UBXN2B: variants seen among roughly 807,000 people sequenced by gnomAD.
The protein encoded by UBXN2B is UBX domain protein 2B, also known as UBX domain-containing protein 2B.
A neutral mutation model predicts 37.5 loss-of-function variants in UBXN2B; 19 were observed. The ratio of observed to expected loss-of-function variants is 0.51; its 90% CI spans 0.35 to 0.74. The LOEUF is 0.74. Ranked by LOEUF, UBXN2B falls within the 30% of genes least tolerant of loss-of-function variation. The pLI is 0.01. For synonymous variants in UBXN2B, 145 were observed against 143.8 expected, an observed-to-expected ratio of 1.01 and a Z score of -0.06; for missense variants, 370 against 393.2, an observed-to-expected ratio of 0.94 and a Z score of 0.50.
At chr8:58,426,533 G>T in intron 2 of UBXN2B, 3 of 739,988 alleles carry the variant, frequency 4.1e-6, no homozygotes, top group South Asian at 2.7e-5. Context: ...TGATGTGGGT[G>T]ACAGCTCCAT....
chr8:58,444,506 G>A (rs1019719813), intron 6 of UBXN2B, among the ~76,000 whole-genome samples: 6 of 152,182 alleles, frequency 3.9e-5, no homozygotes, highest in Admixed American at 2.0e-4. Flanking sequence ...ATGAAATAAT[G>A]CATGTGGCAG....
Position 58,411,417 on chromosome 8 carries a change from A to G in UBXN2B, c.32A>G (p.Glu11Gly), listed in dbSNP as rs1465072941. The change falls in exon 1 of 8, where the codon GAG (glutamate) becomes GGG (glycine). Residue 11 changes from glutamate (E) to glycine (G), a missense_variant. Physicochemically the swap from Glu to Gly is moderately conservative, Grantham distance 98. This residue lies in a region of UBXN2B where 197 missense variants were observed against 170.2 expected (regional missense o/e 1.16). Transcript: ENST00000399598. MAEGGGPEPG[E>G]QERRSSGPRP... ...GAGGGCGGAGGCCCTGAGCCCGGCG[A>G]GCAGGAGAGGAGGTCTTCCGGGCCG... 1 of 1,270,708 alleles carries G rather than the reference A, an allele frequency of 7.9e-7. No individual in the cohort carries two copies. The highest frequency in any genetic ancestry group is 3.1e-4 in the Middle Eastern group (1 of 3,270). 78.7% of individuals were successfully genotyped at this position (1,270,708 alleles called of 1,614,324 possible). A position where few individuals can be genotyped will look rare whatever the true frequency, so the allele number is the denominator to read the frequency against.
chr8:58,427,324 G>A (rs996124029), intron 2 of UBXN2B, among the ~76,000 whole-genome samples: 7 of 152,122 alleles, frequency 4.6e-5, no homozygotes, highest in South Asian at 2.1e-4. Context: ...ATAGCCAAGC[G>A]TGGTGGTGCA....
chr8:58,435,034 T>G, intron 5 of UBXN2B: 1 of 1,474,530 alleles, frequency 6.8e-7, no homozygotes, highest in Non-Finnish European at 9.0e-7. Flanking sequence ...TTACCAGCTC[T>G]TCTTGCTAAA....
intron 2 of UBXN2B, among the ~76,000 whole-genome samples, chr8:58,419,847 A>AG (rs1173518898): frequency 1.3e-5 from 2 of 152,250 alleles, no homozygotes; most frequent in Admixed American, 1.3e-4. Flanking sequence ...AGGCTTTCAT[A>AG]GGCATGTGAC....
At chr8:58,435,073 A>C in intron 5 of UBXN2B, 1 of 1,438,822 alleles carries the variant, frequency 7.0e-7, no homozygotes. Flanking sequence ...TTTTGCTATG[A>C]TAATAAAAGC....
chr8:58,426,010 C>A, intron 2 of UBXN2B: 1 of 1,440,092 alleles, frequency 6.9e-7, no homozygotes. Flanking sequence ...CTGCTTCTTT[C>A]CCAGAGAGGT....
chr8:58,420,639 T>C (rs185805694), intron 2 of UBXN2B, among the ~76,000 whole-genome samples: 5 of 152,310 alleles, frequency 3.3e-5, no homozygotes, highest in Admixed American at 3.3e-4. Context: ...ATAAAAGAAT[T>C]ACAATTAGGT....
intron 2 of UBXN2B, among the ~76,000 whole-genome samples, chr8:58,418,376 T>A (rs1807840412): frequency 6.6e-6 from 1 of 152,212 alleles, no homozygotes. Context: ...TGCATTTAAT[T>A]ATTCCTGTTT....
At chr8:58,424,951 A>AT in intron 2 of UBXN2B, 1 of 809,054 alleles carries the variant, frequency 1.2e-6, no homozygotes, top group Non-Finnish European at 2.2e-6. Context: ...GTCAGTCAGA[A>AT]TATCAATCAC....
chr8:58,433,141 C>T lies in UBXN2B; in HGVS notation c.340-19C>T, dbSNP rs768164541. ...GAATAATCCTTTGTGAATTTTAACT[C>T]ACTTGCTATGTATTTTAGTCATTTA... On this transcript the variant is annotated intron_variant, in intron 3 of 7. Coordinates refer to ENST00000399598, the MANE Select transcript of UBXN2B (RefSeq NM_001077619.2). 1 of 1,566,454 alleles carries T rather than the reference C, an allele frequency of 6.4e-7. No homozygotes were observed. The highest frequency in any genetic ancestry group is 8.8e-7 in the Non-Finnish European group (1 of 1,142,240).
chr8:58,435,585 C>G (rs1051818281), intron 5 of UBXN2B, among the ~76,000 whole-genome samples: 1 of 151,790 alleles, frequency 6.6e-6, no homozygotes, highest in Non-Finnish European at 1.5e-5. Context: ...ATTGGCTAAG[C>G]GAAAACCAAC....
chr8:58,423,338 T>C (rs1373688945), intron 2 of UBXN2B, among the ~76,000 whole-genome samples: 1 of 151,932 alleles, frequency 6.6e-6, no homozygotes, highest in African/African-American at 2.4e-5. Flanking sequence ...TCCGCCAACC[T>C]GCTGACCATA....
chr8:58,412,166 G>C (rs1807655771), intron 1 of UBXN2B, among the ~76,000 whole-genome samples: 1 of 152,170 alleles, frequency 6.6e-6, no homozygotes, highest in Non-Finnish European at 1.5e-5. Context: ...TAAGATTATT[G>C]ATAAAAATTT....
chr8:58,450,539 C>T lies in UBXN2B; in HGVS notation c.*2988C>T, dbSNP rs1808779562. The T allele has an allele frequency of 6.6e-6, 1 of 152,194 alleles. No individual in the cohort carries two copies. Among genetic ancestry groups the T allele is most frequent in the East Asian group, 1.9e-4 (1 of 5,202 alleles). 9.4% of individuals were successfully genotyped at this position (152,194 alleles called of 1,614,324 possible). A position where few individuals can be genotyped will look rare whatever the true frequency, so the allele number is the denominator to read the frequency against. On this transcript the variant is annotated 3_prime_UTR_variant, in exon 8 of 8. Coordinates refer to ENST00000399598, the MANE Select transcript of UBXN2B (RefSeq NM_001077619.2). ...GTATTCTCTATTATGCTCCTTTCTT[C>T]AAGGCCGCCCTAGCATTAACATTCC...
chr8:58,440,135 A>G (rs998379431), intron 6 of UBXN2B, among the ~76,000 whole-genome samples: 5 of 152,354 alleles, frequency 3.3e-5, no homozygotes, highest in Non-Finnish European at 7.3e-5. Context: ...AGAAATGACT[A>G]GCATGTGGGA....
Position 58,429,184 on chromosome 8 carries a change from T to C in UBXN2B, c.189-1335T>C, listed in dbSNP as rs377486658. 2.6e-5 allele frequency among the ~76,000 whole-genome samples: 4 copies of C among 152,210 alleles called. No individual in the cohort carries two copies. In the East Asian group the frequency reaches 5.8e-4, roughly 22 times the overall value. ...TATTCACTTTGCCAGATTAGAGATGTGGAAAGCCTTGAAGGTGACTTCCAT... is the reference window on the plus strand; with the variant it reads ...TATTCACTTTGCCAGATTAGAGATGCGGAAAGCCTTGAAGGTGACTTCCAT... On this transcript the variant is annotated intron_variant, in intron 2 of 7. Transcript: ENST00000399598.
intron 1 of UBXN2B, 93 bp from the exon 2 acceptor site, chr8:58,416,757 C>A: frequency 9.6e-7 from 1 of 1,036,734 alleles, no homozygotes; most frequent in Non-Finnish European, 1.3e-6. Context: ...CTTTACCACT[C>A]AATTTTAAGT....
intron 5 of UBXN2B, among the ~76,000 whole-genome samples, chr8:58,437,318 CTTTTTTTTTTTTTTTTTTT>C (rs773987509): frequency 4.0e-5 from 3 of 74,264 alleles, no homozygotes; most frequent in East Asian, 4.2e-4. Context: ...GAAGAAATTT[CTTTTTTTTTTTTTTTTTTT>C]TTTTTTTTGG....
Sources: allele counts gnomAD v4.1 joint callset (sites outside exome capture counted in the v4.1 genomes callset), GRCh38; gene constraint gnomAD v4.1.1; regional missense constraint gnomAD v4.1.1; transcripts MANE v1.5; gene names NCBI Gene and HGNC (gene_info 2026-07-23, HGNC 2026-07-21).